ITGA3: variants seen among roughly 807,000 people sequenced by gnomAD.
The protein encoded by ITGA3 is integrin subunit alpha 3, also known as integrin alpha-3.
ITGA3 carries 70 observed loss-of-function variants against 131.1 expected under a neutral mutation model. The observed-to-expected ratio is 0.53, with a 90% CI of 0.44 to 0.65. ITGA3 has a LOEUF of 0.65. Ranked by LOEUF, ITGA3 falls within the 30% of genes least tolerant of loss-of-function variation. The pLI is 0.00. For missense variants in ITGA3, 1,098 were observed against 1,388.6 expected (o/e 0.79, Z 3.33); for synonymous variants, 537 against 571.6 (o/e 0.94, Z 0.86).
rs777802337 is a variant in ITGA3, at chr17:50,081,364, C to T, written c.2875C>T (p.Arg959Ter). 7 of 1,591,042 alleles carry T rather than the reference C, an allele frequency of 4.4e-6. No individual in the cohort carries two copies. Among genetic ancestry groups the T allele is most frequent in the South Asian group, 2.3e-5 (2 of 87,630 alleles). The change falls in exon 23 of 26, where the codon CGA (arginine) becomes TGA (stop). Residue 959 changes from arginine to a stop codon, truncating the protein, a stop_gained. Transcript: ENST00000320031. LOFTEE classifies it high-confidence loss of function. ...RVNGWATLFL[R>*]TSIPTINMEN... ...AAATGGCTGGGCTACCCTATTCCTC[C>T]GAACCAGCATCCCCACCATCAACAT...
At chr17:50,081,157 T>C (rs1053931219) in intron 22 of ITGA3, 153 bp from the exon 23 acceptor site, 3 of 595,594 alleles carry the variant, frequency 5.0e-6, no homozygotes, top group Non-Finnish European at 9.1e-6. Context: ...TGCGCATTTG[T>C]GTGTGGAGGG....
chr17:50,072,988 G>A (rs574406131), intron 7 of ITGA3, among the ~76,000 whole-genome samples: 2 of 152,256 alleles, frequency 1.3e-5, no homozygotes, highest in South Asian at 4.1e-4. Flanking sequence ...AGAACCAAGA[G>A]GAAGGCAAAG....
chr17:50,062,420 G>A lies in ITGA3; in HGVS notation c.207-1657G>A, dbSNP rs1908132086. 3.9e-5 allele frequency among the ~76,000 whole-genome samples: 6 copies of A among 152,294 alleles called. No individual in the cohort carries two copies. In the South Asian group the frequency reaches 1.2e-3, roughly 32 times the overall value. On this transcript the variant is annotated intron_variant, in intron 1 of 25. Coordinates refer to ENST00000320031, the MANE Select transcript of ITGA3 (RefSeq NM_002204.4). ...CGCCAGAGAGCGGATGTCCATGGGTGGTCAGGCAGTGGACTCATCGAGGCC... is the reference window on the plus strand; with the variant it reads ...CGCCAGAGAGCGGATGTCCATGGGTAGTCAGGCAGTGGACTCATCGAGGCC...
In ITGA3 at chr17:50,075,552, G is replaced by T. The variant is rs754796590; in HGVS notation, c.1537+26G>T. On this transcript the variant is annotated intron_variant, in intron 11 of 25. Transcript: ENST00000320031. ...GTGAGTGCTGGGGTGCAGCGTAAAA[G>T]GGGTACGCTCCCCTGTCCCCTTGCT... 2.5e-6 allele frequency: 4 copies of T among 1,614,218 alleles called. No individual in the cohort carries two copies. In the African/African-American group the frequency reaches 5.3e-5, roughly 22 times the overall value.
rs201108953 is a variant in ITGA3, at chr17:50,075,592, C to A, written c.1538-7C>A. ...GTCCCCTTGCTGACCACCCTGTCTA[C>A]CTGTAGCCCTGGCCTACACTCTGGA... On this transcript the variant is annotated splice_region_variant and splice_polypyrimidine_tract_variant and intron_variant, in intron 11 of 25. Transcript: ENST00000320031. The A allele has an allele frequency of 6.2e-7, 1 of 1,614,256 alleles. No homozygotes were observed.
intron 8 of ITGA3, 35 bp downstream of exon 8, chr17:50,074,039 C>A (rs765387709): frequency 1.9e-6 from 3 of 1,566,676 alleles, no homozygotes; most frequent in Non-Finnish European, 2.6e-6. Context: ...GCTGCCCCCA[C>A]CAGCCGAGAT....
chr17:50,076,638 A>G lies in ITGA3; in HGVS notation c.1879A>G (p.Met627Val). ...PDNKCESNLQ[M>V]RAAFVSEQQQ... ...CAACAAGTGTGAGAGCAACTTGCAG[A>G]TGCGGGCAGCCTTCGTGTCAGAGCA... Residue 627 changes from methionine to valine, a missense_variant, in exon 14 of 26, where the codon ATG (methionine) becomes GTG (valine). Transcript: ENST00000320031. The G allele has an allele frequency of 6.2e-7, 1 of 1,613,382 alleles. No individual in the cohort carries two copies. The highest frequency in any genetic ancestry group is 8.5e-7 in the Non-Finnish European group (1 of 1,179,816).
chr17:50,060,927 C>T (rs1908047948), intron 1 of ITGA3, among the ~76,000 whole-genome samples: 1 of 152,112 alleles, frequency 6.6e-6, no homozygotes. Context: ...CAGTAAGGTC[C>T]CTCTCACCTT....
Position 50,064,517 on chromosome 17 carries a change from G to T in ITGA3, c.335-11G>T, listed in dbSNP as rs190709337. The T allele has an allele frequency of 1.2e-6, 2 of 1,608,356 alleles. No homozygotes were observed. The highest frequency in any genetic ancestry group is 2.7e-5 in the African/African-American group (2 of 74,830). On this transcript the variant is annotated splice_polypyrimidine_tract_variant and intron_variant, in intron 2 of 25. Coordinates refer to ENST00000320031, the MANE Select transcript of ITGA3 (RefSeq NM_002204.4). This position sits in a 1 kb window ranked among gnomAD's most constrained non-coding sequence, Gnocchi z 4.4. Reference sequence around the variant, plus strand: ...AGGTGCTCTGATTCATGATCCTTCCGGTGCCCACAGATGACCCTGGCCATC... The same window carrying T: ...AGGTGCTCTGATTCATGATCCTTCCTGTGCCCACAGATGACCCTGGCCATC...
rs1197412493 is a variant in ITGA3 at position 50,064,785 on chromosome 17, T to G, written c.414+178T>G. The G allele has an allele frequency of 1.4e-5, 8 of 573,986 alleles. No individual in the cohort carries two copies. The South Asian group carries it at 1.5e-4, about 11-fold the overall frequency. The allele number at this position is 573,986 out of a possible 1,614,324, so 35.6% of individuals were successfully genotyped here. Reference sequence around the variant, plus strand: ...GCTCTCTGCACTCCTGGGGAGGGGGTGAGTATCCTGTGCTCTCCCAAACCC... The same window carrying G: ...GCTCTCTGCACTCCTGGGGAGGGGGGGAGTATCCTGTGCTCTCCCAAACCC... On this transcript the variant is annotated intron_variant, in intron 3 of 25. Transcript: ENST00000320031. The surrounding 1 kb of genome is among the most constrained non-coding windows in gnomAD (Gnocchi z 4.4).
intron 23 of ITGA3, among the ~76,000 whole-genome samples, chr17:50,084,050 A>G (rs1909288753): frequency 1.3e-5 from 2 of 151,762 alleles, no homozygotes; most frequent in South Asian, 4.2e-4. Context: ...CCTGGGCAAC[A>G]TGGTGAAACC....
rs142527278 is a variant in ITGA3 at position 50,064,096 on chromosome 17, C to T, written c.226C>T (p.Arg76Trp). The T allele has an allele frequency of 2.0e-5, 33 of 1,612,660 alleles. No homozygotes were observed. The highest frequency in any genetic ancestry group is 1.9e-4 in the African/African-American group (14 of 74,956). Residue 76 changes from arginine to tryptophan, a missense_variant, in exon 2 of 26, where the codon CGG becomes TGG. Arg to Trp is a moderately radical substitution (Grantham distance 101). This residue lies in a region of ITGA3 where 356 missense variants were observed against 529.2 expected (regional missense o/e 0.67). Coordinates refer to ENST00000320031, the MANE Select transcript of ITGA3 (RefSeq NM_002204.4). This position sits in a 1 kb window ranked among gnomAD's most constrained non-coding sequence, Gnocchi z 4.4. ...QRYLLLAGAPRELAVPDGYTN... is the reference protein window; with the variant it reads ...QRYLLLAGAPWELAVPDGYTN... The stretch of plus-strand genomic sequence containing the variant: ...CCCCAGGCTCCTGGCTGGTGCCCCC[C>T]GGGAGCTCGCTGTGCCCGATGGCTA...
At chr17:50,057,472 G>T (rs1179397063) in intron 1 of ITGA3, among the ~76,000 whole-genome samples, 1 of 152,228 alleles carries the variant, frequency 6.6e-6, no homozygotes, top group Non-Finnish European at 1.5e-5. Flanking sequence ...GGAGGAGGAG[G>T]TTGCACCCAG....
chr17:50,070,896 C>G lies in ITGA3; in HGVS notation c.717C>G (p.Tyr239Ter). 1 of 1,612,068 alleles carries G rather than the reference C, an allele frequency of 6.2e-7. No individual in the cohort carries two copies. Among genetic ancestry groups the G allele is most frequent in the Non-Finnish European group, 8.5e-7 (1 of 1,178,344 alleles). Reference sequence around the variant, plus strand: ...AGTGGGACTTATCTGAGTATAGTTACAAGGACCCAGAGGACCAAGGAAACC... The same window carrying G: ...AGTGGGACTTATCTGAGTATAGTTAGAAGGACCCAGAGGACCAAGGAAACC... ...RKEWDLSEYSYKDPEDQGNLY... is the reference protein window; with the variant it reads ...RKEWDLSEYS Residue 239 changes from tyrosine (Y) to a stop codon, truncating the protein, a stop_gained, in exon 5 of 26, where the codon TAC becomes TAG. Transcript: ENST00000320031. LOFTEE classifies it high-confidence loss of function.
intron 1 of ITGA3, among the ~76,000 whole-genome samples, chr17:50,061,645 C>T (rs945816759): frequency 6.6e-6 from 1 of 152,124 alleles, no homozygotes; most frequent in African/African-American, 2.4e-5. Context: ...TATCCTCAAG[C>T]CATGGAAGTC....
intron 3 of ITGA3, among the ~76,000 whole-genome samples, chr17:50,067,686 T>G (rs1038716837): frequency 1.5e-4 from 23 of 152,176 alleles, no homozygotes; most frequent in African/African-American, 5.6e-4. Flanking sequence ...AATGGTCCTT[T>G]CATTAAGAGG....
At chr17:50,077,835 G>C (rs1908986453) in intron 16 of ITGA3, among the ~76,000 whole-genome samples, 1 of 152,170 alleles carries the variant, frequency 6.6e-6, no homozygotes. Flanking sequence ...AGGTTATGTA[G>C]CTCAAAAGTA....
Position 50,073,925 on chromosome 17 carries a change from TG to T in ITGA3, c.1169del (p.Gly390GlufsTer27). ...INQDGFQDIA[V>X]GAPFEGLGKV... ...GCCTTTTCTTCTGCAGATATTGCTG[TG>T]GGAGCTCCGTTTGAAGGCTTGGGCA... On this transcript the variant is annotated frameshift_variant, in exon 8 of 26. Transcript: ENST00000320031. LOFTEE classifies it high-confidence loss of function. 1.9e-6 allele frequency: 3 copies of T among 1,614,042 alleles called. No homozygotes were observed. Among genetic ancestry groups the T allele is most frequent in the Non-Finnish European group, 2.5e-6 (3 of 1,179,890 alleles).
chr17:50,078,507 G>C (rs1909030931), intron 18 of ITGA3, among the ~76,000 whole-genome samples: 1 of 151,980 alleles, frequency 6.6e-6, no homozygotes, highest in African/African-American at 2.4e-5. Context: ...AGCAACCCCG[G>C]GGCTAAGGTG....
Sources: gnomAD v4.1 joint callset for allele counts (sites outside exome capture counted in the v4.1 genomes callset) on GRCh38, gnomAD v4.1.1 for gene constraint, gnomAD v4.1.1 regional missense constraint, Gnocchi (gnomAD v3.1) non-coding constraint, MANE v1.5 for transcripts, NCBI Gene and HGNC (gene_info 2026-07-23, HGNC 2026-07-21) for gene names.